Variants in CA10 observed in about 807,000 individuals in gnomAD.
CA10 encodes carbonic anhydrase 10 (inactive).
Under a neutral mutation model 44.2 loss-of-function variants are expected in CA10, and 14 were observed. The ratio of observed to expected loss-of-function variants is 0.32; its 90% CI spans 0.21 to 0.50. CA10 has a LOEUF of 0.50. CA10 is among the 20% of genes least tolerant of loss of function. The pLI is 0.99. For missense variants in CA10, 350 were observed against 409.7 expected, an observed-to-expected ratio of 0.85 and a Z score of 1.26; for synonymous variants, 159 against 141.6, an observed-to-expected ratio of 1.12 and a Z score of -0.87.
At chr17:52,046,297 T>C (rs928108873) in intron 2 of CA10, among the ~76,000 whole-genome samples, 14 of 135,534 alleles carry the variant, frequency 1.0e-4, no homozygotes, top group African/African-American at 3.6e-4. Flanking sequence ...ACAAAATTGG[T>C]AAGCTTCTAG....
intron 2 of CA10, among the ~76,000 whole-genome samples, chr17:51,997,167 T>C (rs1381505183): frequency 6.6e-6 from 1 of 152,092 alleles, no homozygotes; most frequent in Non-Finnish European, 1.5e-5. Flanking sequence ...CGCTATCATC[T>C]TTCTCATAGA....
chr17:51,685,144 C>T (rs546454733), intron 4 of CA10, among the ~76,000 whole-genome samples: 1 of 152,274 alleles, frequency 6.6e-6, no homozygotes, highest in African/African-American at 2.4e-5. Context: ...TACAATTAGG[C>T]TAGGGATGGT....
In CA10 at chr17:51,755,890, T is replaced by A. The variant is rs144797682; in HGVS notation, c.280-8072A>T. Among the ~76,000 whole-genome samples the A allele has an allele frequency of 5.9e-5, 9 of 152,348 alleles. No homozygotes were observed. The East Asian group carries it at 1.7e-3, about 29-fold the overall frequency. ...TCAAGGAGTAGCTTCAAAGTCACTG[T>A]AGAGAGGGTGCACTCCCATTTCTCA... On this transcript the variant is annotated intron_variant, in intron 3 of 8. Coordinates refer to ENST00000451037, the MANE Select transcript of CA10 (RefSeq NM_020178.5).
chr17:52,056,358 A>T (rs1945826658), intron 2 of CA10, among the ~76,000 whole-genome samples: 1 of 152,052 alleles, frequency 6.6e-6, no homozygotes, highest in African/African-American at 2.4e-5. Context: ...GCGTCTATTC[A>T]TAAGAAGTCA....
At chr17:51,932,928 T>C (rs924900653) in intron 2 of CA10, among the ~76,000 whole-genome samples, 1 of 152,090 alleles carries the variant, frequency 6.6e-6, no homozygotes, top group African/African-American at 2.4e-5. Flanking sequence ...AACACTGACT[T>C]GATCTTATAT....
chr17:52,128,823 A>G (rs1989172868), intron 1 of CA10, among the ~76,000 whole-genome samples: 1 of 152,088 alleles, frequency 6.6e-6, no homozygotes, highest in Admixed American at 6.6e-5. Flanking sequence ...TCAGCTGCTG[A>G]GGGAAATCCT....
At chr17:51,918,150 C>G (rs1241195774) in intron 3 of CA10, among the ~76,000 whole-genome samples, 1 of 152,122 alleles carries the variant, frequency 6.6e-6, no homozygotes, top group Non-Finnish European at 1.5e-5. Context: ...TTTCTGTATT[C>G]AAACCTACCT....
In CA10 at chr17:52,157,769, C is replaced by T; in HGVS notation, c.18G>A (p.Glu6=). 6.2e-7 allele frequency: 1 copy of T among 1,614,030 alleles called. No individual in the cohort carries two copies. Among genetic ancestry groups the T allele is most frequent in the Non-Finnish European group, 8.5e-7 (1 of 1,179,906 alleles). Residue 6 remains glutamate, a synonymous_variant, in exon 1 of 9, where the codon GAG becomes GAA. Transcript: ENST00000451037. MEIVW[E]VLFLLQANFI... is the part of the protein sequence containing the mutation. ...AATTGGCTTGAAGAAGAAAAAGCAC[C>T]TCCCAGACTATTTCCATCCTCTGAT...
intron 3 of CA10, among the ~76,000 whole-genome samples, chr17:51,906,048 CA>C (rs1981536680): frequency 6.6e-6 from 1 of 152,106 alleles, no homozygotes; most frequent in African/African-American, 2.4e-5. Flanking sequence ...TTGACACCTA[CA>C]GAGACTCTGT....
At chr17:51,691,870 T>C (rs937512786) in intron 4 of CA10, among the ~76,000 whole-genome samples, 1 of 152,176 alleles carries the variant, frequency 6.6e-6, no homozygotes, top group Admixed American at 6.5e-5. Context: ...TCACCCTTGC[T>C]ATCATATTGG....
chr17:51,753,857 T>A (rs559314984), intron 3 of CA10, among the ~76,000 whole-genome samples: 9 of 152,290 alleles, frequency 5.9e-5, no homozygotes, highest in African/African-American at 2.2e-4. Context: ...TTGTTTCTGT[T>A]TTTTGATACG....
chr17:51,769,129 G>T (rs776629273), intron 3 of CA10, among the ~76,000 whole-genome samples: 1 of 152,004 alleles, frequency 6.6e-6, no homozygotes, highest in Admixed American at 6.6e-5. Flanking sequence ...AACAGCATTC[G>T]GATGACTAAT....
chr17:51,968,818 T>A (rs1369789454), intron 2 of CA10, among the ~76,000 whole-genome samples: 5 of 151,986 alleles, frequency 3.3e-5, no homozygotes, highest in African/African-American at 1.2e-4. Flanking sequence ...ATGATGATAC[T>A]CACCAAGTAG....
At chr17:51,772,765 G>A (rs188571814) in intron 3 of CA10, among the ~76,000 whole-genome samples, 226 of 152,182 alleles carry the variant, frequency 1.5e-3, no homozygotes, top group African/African-American at 5.0e-3. Flanking sequence ...TTTTACAAAT[G>A]TGGAAATTGA....
intron 4 of CA10, among the ~76,000 whole-genome samples, chr17:51,707,292 A>G (rs924247198): frequency 1.3e-5 from 2 of 152,186 alleles, no homozygotes; most frequent in Non-Finnish European, 2.9e-5. Flanking sequence ...TGCTAAAATC[A>G]AATTTCTGAA....
chr17:51,816,547 A>G (rs1907570334), intron 3 of CA10, among the ~76,000 whole-genome samples: 1 of 152,130 alleles, frequency 6.6e-6, no homozygotes, highest in Admixed American at 6.6e-5. Context: ...AATTGAAAGC[A>G]TTTTTTTCAT....
intron 3 of CA10, among the ~76,000 whole-genome samples, chr17:51,777,013 C>A (rs1905846524): frequency 6.6e-6 from 1 of 151,962 alleles, no homozygotes; most frequent in Admixed American, 6.6e-5. Context: ...AAAATAAAAC[C>A]CAAAGGGAAT....
chr17:51,924,588 A>T (rs186104379), intron 3 of CA10, among the ~76,000 whole-genome samples: 113 of 152,272 alleles, frequency 7.4e-4, no homozygotes, highest in African/African-American at 2.4e-3. Context: ...GGACTGATTC[A>T]ACAAGCTCCT....
chr17:51,721,745 C>T (rs1319117845), intron 4 of CA10, among the ~76,000 whole-genome samples: 4 of 152,070 alleles, frequency 2.6e-5, no homozygotes, highest in African/African-American at 9.7e-5. Context: ...ATGAGCTTCC[C>T]GATTGGTGAA....
Sources: gnomAD v4.1 joint callset for allele counts (sites outside exome capture counted in the v4.1 genomes callset) on GRCh38, gnomAD v4.1.1 for gene constraint, MANE v1.5 for transcripts, NCBI Gene and HGNC (gene_info 2026-07-23, HGNC 2026-07-21) for gene names.